Variants in ELP3 observed in about 807,000 individuals in gnomAD.
ELP3 encodes elongator acetyltransferase complex subunit 3.
A neutral mutation model predicts 74.9 loss-of-function variants in ELP3; 56 were observed. The ratio of observed to expected loss-of-function variants is 0.75; its 90% CI spans 0.60 to 0.93. The LOEUF (loss-of-function observed/expected upper bound fraction) is 0.93, where lower values mean the gene tolerates loss of function less well. Among genes scored for constraint, ELP3 ranks in the 40% least tolerant of loss-of-function variants. The probability of loss-of-function intolerance (pLI) is 0.00; values close to 1 mark genes in which losing one functional copy is unlikely to be tolerated. For synonymous variants in ELP3, 222 were observed against 239.8 expected (o/e 0.93, Z 0.68); for missense variants, 573 against 686.5 (o/e 0.83, Z 1.85).
intron 10 of ELP3, among the ~76,000 whole-genome samples, chr8:28,151,203 T>A (rs768528392): frequency 2.6e-5 from 4 of 152,242 alleles, no homozygotes; most frequent in Non-Finnish European, 5.9e-5. Context: ...GAGATTCTTT[T>A]CTCAGCCATG....
intron 10 of ELP3, among the ~76,000 whole-genome samples, chr8:28,139,619 G>A (rs1464287591): frequency 6.6e-6 from 1 of 152,046 alleles, no homozygotes; most frequent in Non-Finnish European, 1.5e-5. Flanking sequence ...ATAACAACTA[G>A]TTATAGTACT....
intron 9 of ELP3, among the ~76,000 whole-genome samples, chr8:28,134,002 C>T (rs910520186): frequency 4.6e-5 from 7 of 152,204 alleles, no homozygotes; most frequent in Non-Finnish European, 1.0e-4. Flanking sequence ...GTGTGCACAA[C>T]GTGCAGGTTT....
chr8:28,112,466 T>TCAC (rs1475990487), intron 6 of ELP3: 1 of 152,190 alleles, frequency 6.6e-6, no homozygotes, highest in African/African-American at 2.4e-5. Flanking sequence ...TTTCACTTTT[T>TCAC]TTTAGAAAGC....
intron 5 of ELP3, 53 bp downstream of exon 5, chr8:28,108,029 T>C: frequency 6.7e-7 from 1 of 1,483,256 alleles, no homozygotes. Context: ...GCTTTACCTG[T>C]AGTATGGTTT....
chr8:28,179,195 C>G (rs151238966), intron 14 of ELP3, among the ~76,000 whole-genome samples: 2 of 152,126 alleles, frequency 1.3e-5, no homozygotes, highest in Non-Finnish European at 2.9e-5. Context: ...TGGAACCAGC[C>G]CCCCACATAT....
chr8:28,144,241 C>T (rs1010415034), intron 10 of ELP3, among the ~76,000 whole-genome samples: 6 of 152,190 alleles, frequency 3.9e-5, no homozygotes, highest in Admixed American at 2.6e-4. Context: ...CATTCATGTT[C>T]GTATAGGACA....
chr8:28,161,974 C>T (rs1200563194), intron 13 of ELP3, 23 bp from the exon 14 acceptor site: 2 of 1,612,036 alleles, frequency 1.2e-6, no homozygotes, highest in Non-Finnish European at 1.7e-6. Flanking sequence ...TTAATTCCCA[C>T]TCCCCATTGT....
intron 3 of ELP3, among the ~76,000 whole-genome samples, chr8:28,104,469 G>A (rs1056678678): frequency 1.3e-5 from 2 of 152,140 alleles, no homozygotes; most frequent in East Asian, 1.9e-4. Flanking sequence ...TTCACCAGCC[G>A]TTTCAATAAC....
chr8:28,184,314 G>A (rs1007219159), intron 14 of ELP3, among the ~76,000 whole-genome samples: 13 of 152,096 alleles, frequency 8.5e-5, no homozygotes, highest in African/African-American at 2.2e-4. Context: ...GGCTGAGCTC[G>A]CCATCTCAGG....
At chr8:28,161,717 A>C (rs1814099810) in intron 13 of ELP3, among the ~76,000 whole-genome samples, 1 of 152,112 alleles carries the variant, frequency 6.6e-6, no homozygotes, top group Non-Finnish European at 1.5e-5. Context: ...AAAGAGACTG[A>C]ATTTGAGAGG....
intron 10 of ELP3, among the ~76,000 whole-genome samples, chr8:28,142,977 A>C (rs1813302267): frequency 6.6e-6 from 1 of 152,110 alleles, no homozygotes; most frequent in Non-Finnish European, 1.5e-5. Flanking sequence ...TTTTGCATTG[A>C]GTGTTACTAA....
In ELP3 at chr8:28,182,304, A is replaced by G. The variant is rs985740514; in HGVS notation, c.1568-7345A>G. ...GGCCGGGCACAGTGGCTACACCTGT[A>G]ATCCCAGCACGTTGGGAGGCTGAGG... On this transcript the variant is annotated intron_variant, in intron 14 of 14. Coordinates refer to ENST00000256398, the MANE Select transcript of ELP3 (RefSeq NM_018091.6). Among the ~76,000 whole-genome samples the G allele has an allele frequency of 3.9e-5, 6 of 152,280 alleles. No individual in the cohort carries two copies. The South Asian group carries it at 6.2e-4, about 16-fold the overall frequency.
upstream of ELP3, among the ~76,000 whole-genome samples, chr8:28,092,102 A>G (rs763270837): frequency 2.0e-5 from 3 of 152,312 alleles, no homozygotes; most frequent in South Asian, 4.1e-4. Context: ...GCCACTCACA[A>G]GGAATTTCCC....
At chr8:28,115,710 T>C (rs1812102805) in intron 7 of ELP3, among the ~76,000 whole-genome samples, 1 of 152,136 alleles carries the variant, frequency 6.6e-6, no homozygotes, top group Non-Finnish European at 1.5e-5. Flanking sequence ...GGGATATAAA[T>C]CCCAGGTAGC....
intron 7 of ELP3, among the ~76,000 whole-genome samples, chr8:28,121,806 C>T (rs941507165): frequency 1.3e-5 from 2 of 152,158 alleles, no homozygotes; most frequent in Non-Finnish European, 2.9e-5. Context: ...TTTTACTTTT[C>T]CCTTTTGGAT....
chr8:28,146,587 A>G (rs17058632), intron 10 of ELP3, among the ~76,000 whole-genome samples: 4,478 of 152,316 alleles, frequency 0.029, 246 homozygotes, highest in African/African-American at 0.1. Flanking sequence ...ACCTAGATGA[A>G]TGCAGCAAGC....
At chr8:28,130,741 G>A (rs894337656) in intron 8 of ELP3, among the ~76,000 whole-genome samples, 1 of 152,230 alleles carries the variant, frequency 6.6e-6, no homozygotes. Flanking sequence ...AAGAGTCTGA[G>A]TTGGTCAGGT....
intron 14 of ELP3, among the ~76,000 whole-genome samples, chr8:28,178,561 C>T (rs1384890053): frequency 3.3e-5 from 5 of 152,108 alleles, no homozygotes; most frequent in East Asian, 1.9e-4. Context: ...TGATAGTTCA[C>T]GATTTATCCG....
chr8:28,143,684 T>C lies in ELP3; in HGVS notation c.1100+5793T>C, dbSNP rs114674464. Among the ~76,000 whole-genome samples, 1,002 of 152,322 alleles carry C rather than the reference T, an allele frequency of 6.6e-3. 8 individuals are homozygous for C. Among genetic ancestry groups the C allele is most frequent in the African/African-American group, 0.022 (928 of 41,570 alleles). On this transcript the variant is annotated intron_variant, in intron 10 of 14. Coordinates refer to ENST00000256398, the MANE Select transcript of ELP3 (RefSeq NM_018091.6). ...GCTTCCAGGTTTCTTTGCTTTCTTC[T>C]TCCTTTTTTAAATGTAATTATCCTG...
Sources: gnomAD v4.1 joint callset for allele counts (sites outside exome capture counted in the v4.1 genomes callset) on GRCh38, gnomAD v4.1.1 for gene constraint, MANE v1.5 for transcripts, NCBI Gene and HGNC (gene_info 2026-07-23, HGNC 2026-07-21) for gene names.